Variants in SEL1L observed in about 807,000 individuals in gnomAD.
The protein encoded by SEL1L is protein sel-1 homolog 1.
Under a neutral mutation model 109.8 loss-of-function variants are expected in SEL1L, and 52 were observed. The observed-to-expected ratio is 0.47, with a 90% CI of 0.38 to 0.60. The LOEUF is 0.60. Among genes scored for constraint, SEL1L ranks in the 20% least tolerant of loss-of-function variants. The probability of loss-of-function intolerance (pLI) is 0.00; values close to 1 mark genes in which losing one functional copy is unlikely to be tolerated. For missense variants in SEL1L, 749 were observed against 962.2 expected (o/e 0.78, Z 2.93); for synonymous variants, 373 against 339.6 (o/e 1.10, Z -1.08).
chr14:81,492,151 C>A (rs1270440489), intron 12 of SEL1L, among the ~76,000 whole-genome samples: 1 of 152,012 alleles, frequency 6.6e-6, no homozygotes, highest in Non-Finnish European at 1.5e-5. Flanking sequence ...ACCACCACAC[C>A]CGGCTAATTT....
intron 6 of SEL1L, among the ~76,000 whole-genome samples, chr14:81,501,041 G>A (rs950864952): frequency 6.6e-6 from 1 of 152,262 alleles, no homozygotes; most frequent in South Asian, 2.1e-4. Flanking sequence ...CACATGCCTG[G>A]GGTATGGCTG....
At chr14:81,515,748 A>G (rs1283897671) in intron 3 of SEL1L, among the ~76,000 whole-genome samples, 3 of 152,206 alleles carry the variant, frequency 2.0e-5, no homozygotes, top group East Asian at 3.9e-4. Context: ...CTAAAGGGTA[A>G]GTTTATTACC....
intron 3 of SEL1L, among the ~76,000 whole-genome samples, chr14:81,520,322 T>C (rs769204121): frequency 1.8e-4 from 28 of 152,326 alleles, no homozygotes; most frequent in South Asian, 4.1e-4. Flanking sequence ...TTAGTGATTT[T>C]AAAACACTGT....
chr14:81,505,583 T>C (rs900985662), intron 4 of SEL1L, among the ~76,000 whole-genome samples: 1 of 152,170 alleles, frequency 6.6e-6, no homozygotes, highest in Non-Finnish European at 1.5e-5. Flanking sequence ...AGTTAGGAAG[T>C]TTTTCCTGAA....
chr14:81,533,741 G>A lies in SEL1L; in HGVS notation c.4C>T (p.Arg2Trp), dbSNP rs200422970. 5.6e-6 allele frequency: 9 copies of A among 1,612,888 alleles called. No homozygotes were observed. The highest frequency in any genetic ancestry group is 2.2e-5 in the East Asian group (1 of 44,838). The change falls in exon 1 of 21, where the codon CGG becomes TGG. Residue 2 changes from arginine to tryptophan, a missense_variant. Physicochemically the swap from Arg to Trp is moderately radical, Grantham distance 101. Transcript: ENST00000336735. MRVRIGLTLLLC... is the reference protein window; with the variant it reads MWVRIGLTLLLC... ...AGCAGCGTCAGCCCTATCCGGACCCGCATCCTCCTCTCGGGGCCGGTGCCA... is the reference window on the plus strand; with the variant it reads ...AGCAGCGTCAGCCCTATCCGGACCCACATCCTCCTCTCGGGGCCGGTGCCA...
Position 81,532,255 on chromosome 14 carries a change from G to C in SEL1L, c.70+1420C>G, listed in dbSNP as rs796879553. On this transcript the variant is annotated intron_variant, in intron 1 of 20. Transcript: ENST00000336735. ...TCTTTCATTACTGTAGTTCTCTTTA[G>C]TGTGAAGAATCCCTCATGGAGATTG... 5.3e-5 allele frequency among the ~76,000 whole-genome samples: 8 copies of C among 152,306 alleles called. No individual in the cohort carries two copies. The South Asian group carries it at 1.7e-3, about 32-fold the overall frequency.
chr14:81,505,133 C>T (rs1303758748), intron 4 of SEL1L, among the ~76,000 whole-genome samples: 2 of 152,132 alleles, frequency 1.3e-5, no homozygotes, highest in African/African-American at 4.8e-5. Flanking sequence ...TCAAAGGACA[C>T]TTTAGCTCTA....
intron 1 of SEL1L, among the ~76,000 whole-genome samples, chr14:81,530,936 A>T (rs1595541283): frequency 6.6e-6 from 1 of 152,196 alleles, no homozygotes; most frequent in East Asian, 1.9e-4. Context: ...TTGTGTACAT[A>T]AACATAGCTA....
intron 3 of SEL1L, among the ~76,000 whole-genome samples, chr14:81,522,492 A>G (rs892680661): frequency 3.9e-5 from 6 of 152,234 alleles, no homozygotes; most frequent in Non-Finnish European, 5.9e-5. Context: ...TGAGTACGGT[A>G]TTCAATACAA....
chr14:81,507,325 T>C (rs535284563), intron 3 of SEL1L, among the ~76,000 whole-genome samples: 1 of 152,248 alleles, frequency 6.6e-6, no homozygotes, highest in East Asian at 1.9e-4. Context: ...AACAGTCATC[T>C]GAGAAGCAAT....
chr14:81,532,864 T>C (rs1295083971), intron 1 of SEL1L, among the ~76,000 whole-genome samples: 1 of 152,188 alleles, frequency 6.6e-6, no homozygotes, highest in Non-Finnish European at 1.5e-5. Flanking sequence ...TTTTTATTTA[T>C]CAACACTTAG....
rs1187017088 is a variant in SEL1L, at chr14:81,472,342, C to A, written c.*4630G>T. Reference sequence around the variant, plus strand: ...CTGACATCTCAGTTGCCACAGTTTGCATCATGTAGGCTTTTTATCCAAGAT... The same window carrying A: ...CTGACATCTCAGTTGCCACAGTTTGAATCATGTAGGCTTTTTATCCAAGAT... On this transcript the variant is annotated 3_prime_UTR_variant, in exon 21 of 21. Transcript: ENST00000336735. The A allele has an allele frequency of 1.0e-5, 2 of 198,880 alleles. No homozygotes were observed. The highest frequency in any genetic ancestry group is 4.8e-5 in the African/African-American group (2 of 41,860). The allele number at this position is 198,880 out of a possible 1,614,324, so 12.3% of individuals were successfully genotyped here. A position where few individuals can be genotyped will look rare whatever the true frequency, so the allele number is the denominator to read the frequency against.
chr14:81,499,401 A>T (rs775332268), intron 8 of SEL1L, 58 bp downstream of exon 8: 1 of 1,580,214 alleles, frequency 6.3e-7, no homozygotes, highest in African/African-American at 1.4e-5. Flanking sequence ...TGTGGCCGCT[A>T]TAAACCACAA....
chr14:81,526,822 C>G lies in SEL1L; in HGVS notation c.251G>C (p.Gly84Ala). The G allele has an allele frequency of 6.2e-7, 1 of 1,606,212 alleles. No homozygotes were observed. The highest frequency in any genetic ancestry group is 8.5e-7 in the Non-Finnish European group (1 of 1,177,560). Residue 84 changes from glycine (G) to alanine (A), a missense_variant, in exon 3 of 21, where the codon GGG becomes GCG. Around this residue, in one of 2 missense-constraint regions of SEL1L, gnomAD observed 366 missense variants for 399.8 expected, o/e 0.92. Transcript: ENST00000336735. ...EEEDSLKSQE[G>A]ESVTEDISFL... ...GCTGATATCTTCTGTGACACTTTCC[C>G]CCTCTTGGCTCTTGAGGCTGTCTTC...
chr14:81,498,790 G>A (rs1883887203), intron 8 of SEL1L: 1 of 221,924 alleles, frequency 4.5e-6, no homozygotes, highest in African/African-American at 2.3e-5. Context: ...AATTATAAGG[G>A]CTTTTGCTTA....
At chr14:81,480,226 T>C (rs1903306033) in intron 19 of SEL1L, among the ~76,000 whole-genome samples, 1 of 152,090 alleles carries the variant, frequency 6.6e-6, no homozygotes, top group South Asian at 2.1e-4. Flanking sequence ...AGTCTTGCTG[T>C]CACCCAGGCT....
Position 81,479,734 on chromosome 14 carries a change from G to A in SEL1L, c.2053C>T (p.His685Tyr), listed in dbSNP as rs1488278557. 6.2e-7 allele frequency: 1 copy of A among 1,612,190 alleles called. No homozygotes were observed. Among genetic ancestry groups the A allele is most frequent in the Non-Finnish European group, 8.5e-7 (1 of 1,179,352 alleles). Residue 685 changes from histidine (H) to tyrosine (Y), a missense_variant, in exon 20 of 21, where the codon CAC becomes TAC. Around this residue, in one of 2 missense-constraint regions of SEL1L, gnomAD observed 383 missense variants for 562.5 expected, o/e 0.68. Coordinates refer to ENST00000336735, the MANE Select transcript of SEL1L (RefSeq NM_005065.6). ...EKGLGIKQDI[H>Y]LAKRFYDMAA... ...ATGTCATAAAAACGTTTCGCAAGGT[G>A]AATATCCTATAATACAGGTAAGAAA... is the stretch of plus-strand genomic sequence containing the variant.
intron 19 of SEL1L, among the ~76,000 whole-genome samples, 188 bp from the exon 20 acceptor site, chr14:81,479,928 A>C (rs1903294182): frequency 6.6e-6 from 1 of 152,206 alleles, no homozygotes; most frequent in Non-Finnish European, 1.5e-5. Flanking sequence ...TTAATATTGA[A>C]AAACTTAATT....
chr14:81,527,353 TCAAC>T (rs2140062209), intron 2 of SEL1L, among the ~76,000 whole-genome samples: 1 of 151,992 alleles, frequency 6.6e-6, no homozygotes, highest in Admixed American at 6.6e-5. Flanking sequence ...GAGAGCTCAA[TCAAC>T]CAATAAGTGC....
Sources: gnomAD v4.1 joint callset for allele counts (sites outside exome capture counted in the v4.1 genomes callset) on GRCh38, gnomAD v4.1.1 for gene constraint, gnomAD v4.1.1 regional missense constraint, MANE v1.5 for transcripts, NCBI Gene and HGNC (gene_info 2026-07-23, HGNC 2026-07-21) for gene names.